KALRN: variants seen among roughly 807,000 people sequenced by gnomAD.
KALRN encodes the protein kalirin.
A neutral mutation model predicts 353.7 loss-of-function variants in KALRN; 70 were observed. The ratio of observed to expected loss-of-function variants is 0.20; its 90% CI spans 0.16 to 0.24. KALRN has a LOEUF of 0.24. Ranked by LOEUF, KALRN falls within the 10% of genes least tolerant of loss-of-function variation. The pLI is 1.00. For synonymous variants in KALRN, 1,391 were observed against 1,434.8 expected, an observed-to-expected ratio of 0.97 and a Z score of 0.69; for missense variants, 2,791 against 3,756.7, an observed-to-expected ratio of 0.74 and a Z score of 6.72.
intron 10 of KALRN, among the ~76,000 whole-genome samples, chr3:124,379,882 C>G (rs1241609912): frequency 1.3e-5 from 2 of 152,182 alleles, no homozygotes; most frequent in Non-Finnish European, 2.9e-5. Context: ...TTGCTGCCCT[C>G]CCCAATGCCT....
intron 34 of KALRN, among the ~76,000 whole-genome samples, chr3:124,603,034 A>G (rs753109240): frequency 5.6e-4 from 86 of 152,228 alleles, no homozygotes; most frequent in East Asian, 1.7e-3. Context: ...GCCTGAAACC[A>G]TGGGATGGGT....
At chr3:124,681,330 CTAAGGCTTT>C (rs1378143778) in intron 51 of KALRN, among the ~76,000 whole-genome samples, 1 of 152,226 alleles carries the variant, frequency 6.6e-6, no homozygotes, top group African/African-American at 2.4e-5. Flanking sequence ...TCTTATTCAT[CTAAGGCTTT>C]TAGTCCTTTG....
At chr3:124,138,092 C>T (rs890979442) in intron 1 of KALRN, among the ~76,000 whole-genome samples, 1 of 152,150 alleles carries the variant, frequency 6.6e-6, no homozygotes, top group Non-Finnish European at 1.5e-5. Context: ...GTCCTGGGTG[C>T]CACATCCTAG....
intron 1 of KALRN, among the ~76,000 whole-genome samples, chr3:124,134,025 T>A (rs1027405914): frequency 2.6e-5 from 4 of 151,890 alleles, no homozygotes; most frequent in Non-Finnish European, 5.9e-5. Context: ...GTTAGAAAAA[T>A]CAATTCTAAA....
chr3:124,164,787 T>C (rs1448821829), intron 1 of KALRN: 1 of 152,260 alleles, frequency 6.6e-6, no homozygotes, highest in Non-Finnish European at 1.5e-5. Flanking sequence ...TAATTAATAT[T>C]GTAGAAAATG....
intron 10 of KALRN, among the ~76,000 whole-genome samples, chr3:124,382,496 C>T (rs946412267): frequency 1.3e-5 from 2 of 152,014 alleles, no homozygotes; most frequent in South Asian, 2.1e-4. Flanking sequence ...TTCCCAGGAC[C>T]GAGGGGATTT....
At chr3:124,273,036 A>C (rs2148960556) in intron 5 of KALRN, among the ~76,000 whole-genome samples, 2 of 152,304 alleles carry the variant, frequency 1.3e-5, no homozygotes, top group Middle Eastern at 3.4e-3. Flanking sequence ...GAGTCTGGTG[A>C]TAGTTCAGCC....
intron 50 of KALRN, 139 bp from the exon 51 acceptor site, chr3:124,679,319 C>G (rs2087532069): frequency 1.4e-6 from 1 of 705,558 alleles, no homozygotes; most frequent in East Asian, 2.5e-5. Flanking sequence ...CTCACCCCCA[C>G]TTTAAAAACA....
intron 1 of KALRN, among the ~76,000 whole-genome samples, chr3:124,070,509 C>G (rs935011088): frequency 1.3e-5 from 2 of 152,186 alleles, no homozygotes; most frequent in Admixed American, 6.5e-5. Context: ...GGGAAGAGAT[C>G]TTCTATGACA....
chr3:124,712,437 C>T (rs970776682), intron 57 of KALRN, among the ~76,000 whole-genome samples: 5 of 151,836 alleles, frequency 3.3e-5, no homozygotes, highest in Admixed American at 1.3e-4. Context: ...TATTCTGCCT[C>T]GAAAAGAAAA....
chr3:124,439,212 A>T (rs1021578152), intron 18 of KALRN, among the ~76,000 whole-genome samples, 175 bp downstream of exon 18: 5 of 150,152 alleles, frequency 3.3e-5, no homozygotes, highest in African/African-American at 1.2e-4. Context: ...ACACACACAC[A>T]CACACACACA....
At chr3:124,674,191 A>G (rs2086866521) in intron 48 of KALRN, among the ~76,000 whole-genome samples, 173 bp from the exon 49 acceptor site, 1 of 152,178 alleles carries the variant, frequency 6.6e-6, no homozygotes, top group South Asian at 2.1e-4. Flanking sequence ...ATTAAAAAAT[A>G]TACTTTCAGA....
intron 6 of KALRN, among the ~76,000 whole-genome samples, chr3:124,321,553 A>C (rs2149373822): frequency 6.6e-6 from 1 of 152,368 alleles, no homozygotes; most frequent in East Asian, 1.9e-4. Flanking sequence ...CAGTTCTTTC[A>C]GGACAATGAC....
chr3:124,435,511 A>G (rs1017429930), intron 17 of KALRN, among the ~76,000 whole-genome samples: 4 of 152,220 alleles, frequency 2.6e-5, no homozygotes, highest in African/African-American at 9.6e-5. Flanking sequence ...GAGTAATTTT[A>G]CTCAGTGTAT....
chr3:124,458,109 C>T (rs1243425927), intron 23 of KALRN, among the ~76,000 whole-genome samples: 1 of 152,080 alleles, frequency 6.6e-6, no homozygotes, highest in Admixed American at 6.5e-5. Context: ...AACCCCGTCT[C>T]TACTAAAAAT....
At chr3:124,496,018 CACAT>C (rs1451319980) in intron 32 of KALRN, among the ~76,000 whole-genome samples, 5 of 33,846 alleles carry the variant, frequency 1.5e-4, no homozygotes, top group East Asian at 4.1e-3. Flanking sequence ...TATATACACA[CACAT>C]ATATACATAC....
chr3:124,702,012 G>T (rs1352139279), intron 56 of KALRN, 26 bp from the exon 57 acceptor site: 1 of 1,589,538 alleles, frequency 6.3e-7, no homozygotes, highest in South Asian at 1.1e-5. Flanking sequence ...CCTCGATATT[G>T]TAAATGGATT....
chr3:124,338,431 T>C (rs1560606156), intron 9 of KALRN, among the ~76,000 whole-genome samples: 3 of 152,240 alleles, frequency 2.0e-5, no homozygotes, highest in Admixed American at 6.5e-5. Flanking sequence ...TCAGTTCCCA[T>C]GTAGTTGTGT....
At chr3:124,459,870 A>G (rs2059681713) in intron 23 of KALRN, among the ~76,000 whole-genome samples, 1 of 152,188 alleles carries the variant, frequency 6.6e-6, no homozygotes, top group Admixed American at 6.5e-5. Flanking sequence ...GCTTGTTCAT[A>G]TGGGGAGTGG....
Sources: gnomAD v4.1 joint callset for allele counts (sites outside exome capture counted in the v4.1 genomes callset) on GRCh38, gnomAD v4.1.1 for gene constraint, MANE v1.5 for transcripts, NCBI Gene and HGNC (gene_info 2026-07-23, HGNC 2026-07-21) for gene names.